Variants in FLG observed in about 807,000 individuals in gnomAD.
FLG encodes the protein filaggrin.
FLG carries 6 observed loss-of-function variants against 3.8 expected under a neutral mutation model. That is an observed-to-expected ratio of 1.60 (90% CI 0.87 to 3.15). The LOEUF is 3.15. FLG is among the 30% of genes most tolerant of loss of function. FLG has a pLI of 0.00. For missense variants in FLG, 7,595 were observed against 5,050.9 expected (o/e 1.50, Z -15.27); for synonymous variants, 2,551 against 1,931.6 (o/e 1.32, Z -8.41).
chr1:152,310,097 C>G lies in FLG; in HGVS notation c.4789G>C (p.Asp1597His), dbSNP rs533784172. 6.2e-7 allele frequency: 1 copy of G among 1,614,050 alleles called. No individual in the cohort carries two copies. The highest frequency in any genetic ancestry group is 2.2e-5 in the East Asian group (1 of 44,842). The change falls in exon 3 of 3, where the codon GAC becomes CAC. Residue 1597 changes from aspartate to histidine, a missense_variant. Asp to His is a moderately conservative substitution (Grantham distance 81). Transcript: ENST00000368799. ...TCTGAGTGTCCCTCACTGTCCCTGTCCTGACTAACACTGGATCCCTGGCGC... is the reference window on the plus strand; with the variant it reads ...TCTGAGTGTCCCTCACTGTCCCTGTGCTGACTAACACTGGATCCCTGGCGC... ...SRRQGSSVSQ[D>H]RDSEGHSEDS...
Position 152,310,986 on chromosome 1 carries a change from C to G in FLG, c.3900G>C (p.Glu1300Asp), listed in dbSNP as rs755303435. ...GGTGTCTGGAGCCATCTCTTGACTG[C>G]TCCCGAGAAGATCCATGATGGTTTC... The part of the protein sequence containing the change: ...ASRNHHGSSR[E>D]QSRDGSRHPG... The change falls in exon 3 of 3, where the codon GAG becomes GAC. Residue 1300 changes from glutamate to aspartate, a missense_variant. By Grantham distance (45) the Glu-to-Asp change is conservative. Transcript: ENST00000368799. 1.2e-5 allele frequency: 19 copies of G among 1,613,968 alleles called. No homozygotes were observed. The highest frequency in any genetic ancestry group is 1.5e-5 in the Non-Finnish European group (18 of 1,179,984).
Position 152,303,885 on chromosome 1 carries a change from A to G in FLG, c.11001T>C (p.Ser3667=), listed in dbSNP as rs140689114. The stretch of plus-strand genomic sequence containing the variant: ...TGTCTGAGTCTTCTGAATGTCCCTC[A>G]CTGTCACTGGCCTGACTACCACTGG... ...RGSSGSQASD[S]EGHSEDSDTQ... Residue 3667 remains serine (S), a synonymous_variant, in exon 3 of 3, where the codon AGT becomes AGC. Transcript: ENST00000368799. The G allele has an allele frequency of 7.5e-5, 121 of 1,612,744 alleles. No homozygotes were observed. The African/African-American group carries it at 1.6e-3, about 21-fold the overall frequency.
chr1:152,303,027 A>G lies in FLG; in HGVS notation c.11859T>C (p.Ser3953=), dbSNP rs1313429862. The part of the protein sequence containing the change: ...GIQSRGSPHS[S]SSYHYQSEGT... ...CCTCAGATTGATAATGATAAGAACT[A>G]GAACTGTGAGGACTGCCACGTGACT... The change falls in exon 3 of 3, where the codon TCT becomes TCC. Residue 3953 remains serine, a synonymous_variant. Transcript: ENST00000368799. 6.2e-7 allele frequency: 1 copy of G among 1,614,194 alleles called. No homozygotes were observed. Among genetic ancestry groups the G allele is most frequent in the Non-Finnish European group, 8.5e-7 (1 of 1,180,034 alleles).
rs141885805 is a variant in FLG, at chr1:152,313,553, G to A, written c.1333C>T (p.Leu445=). The A allele has an allele frequency of 1.1e-4, 184 of 1,613,338 alleles. No individual in the cohort carries two copies. The highest frequency in any genetic ancestry group is 1.3e-4 in the Non-Finnish European group (155 of 1,179,800). Reference sequence around the variant, plus strand: ...GACTCTTGGTGGCTCTGCTGTCTCAGCCCAGCCTTTCCGTGGCCTGACACT... The same window carrying A: ...GACTCTTGGTGGCTCTGCTGTCTCAACCCAGCCTTTCCGTGGCCTGACACT... ...QSVSGHGKAG[L]RQQSHQESTR... is the part of the protein sequence containing the mutation. Residue 445 remains leucine, a synonymous_variant, in exon 3 of 3, where the codon CTG becomes TTG. Coordinates refer to ENST00000368799, the MANE Select transcript of FLG (RefSeq NM_002016.2).
rs138437732 is a variant in FLG, at chr1:152,303,420, G to C, written c.11466C>G (p.Gly3822=). 3 of 1,613,996 alleles carry C rather than the reference G, an allele frequency of 1.9e-6. No individual in the cohort carries two copies. In the African/African-American group the frequency reaches 4.0e-5, roughly 22 times the overall value. The part of the protein sequence containing the change: ...ETRNEEQSGD[G]SRHSGSRHHE... Reference sequence around the variant, plus strand: ...GGTGACGCGACCCTGAGTGCCTGGAGCCGTCTCCTGACTGTTCCTCATTAC... The same window carrying C: ...GGTGACGCGACCCTGAGTGCCTGGACCCGTCTCCTGACTGTTCCTCATTAC... Residue 3822 remains glycine, a synonymous_variant, in exon 3 of 3, where the codon GGC becomes GGG. Transcript: ENST00000368799.
Position 152,306,065 on chromosome 1 carries a change from C to T in FLG, c.8821G>A (p.Gly2941Arg), listed in dbSNP as rs778935622. 2 of 1,596,432 alleles carry T rather than the reference C, an allele frequency of 1.3e-6. No homozygotes were observed. Among genetic ancestry groups the T allele is most frequent in the African/African-American group, 1.7e-5 (1 of 58,574 alleles). ...TGTCTGGAGCTGTCTGCAGAGTGCC[C>T]ATGACCAGCTCTGTCTTCTTGATGG... ...RSHQEDRAGH[G>R]HSADSSRQSG... The change falls in exon 3 of 3, where the codon GGG becomes AGG. Residue 2941 changes from glycine (G) to arginine (R), a missense_variant. By Grantham distance (125) the Gly-to-Arg change is moderately radical. Transcript: ENST00000368799.
At position 152,303,455 on chromosome 1, in the gene FLG, T is replaced by G. The variant is rs777048675; in HGVS notation, c.11431A>C (p.Arg3811=). 3 of 1,614,000 alleles carry G rather than the reference T, an allele frequency of 1.9e-6. No individual in the cohort carries two copies. The highest frequency in any genetic ancestry group is 2.5e-6 in the Non-Finnish European group (3 of 1,180,024). ...GACTGTTCCTCATTACGTGTTTCTC[T>G]GCTTGCACTTCTGGATCCTGACTGC... The part of the protein sequence containing the change: ...HGQSGSRSAS[R]ETRNEEQSGD... The change falls in exon 3 of 3, where the codon AGA becomes CGA. Residue 3811 remains arginine (R), a synonymous_variant. Coordinates refer to ENST00000368799, the MANE Select transcript of FLG (RefSeq NM_002016.2).
Position 152,302,579 on chromosome 1 carries a change from C to A in FLG, c.*121G>T. ...CCACCAAACTAATGAAATACTATAGCATATTTTAAACAGATTGACAGGAAA... is the reference window on the plus strand; with the variant it reads ...CCACCAAACTAATGAAATACTATAGAATATTTTAAACAGATTGACAGGAAA... On this transcript the variant is annotated 3_prime_UTR_variant, in exon 3 of 3. Coordinates refer to ENST00000368799, the MANE Select transcript of FLG (RefSeq NM_002016.2). 1 of 1,261,662 alleles carries A rather than the reference C, an allele frequency of 7.9e-7. No homozygotes were observed. Among genetic ancestry groups the A allele is most frequent in the South Asian group, 1.5e-5 (1 of 68,762 alleles). The allele number at this position is 1,261,662 out of a possible 1,614,324, so 78.2% of individuals were successfully genotyped here.
rs545544603 is a variant in FLG, at chr1:152,324,259, G to A, written c.-22+930C>T. 2.0e-5 allele frequency among the ~76,000 whole-genome samples: 3 copies of A among 151,838 alleles called. No individual in the cohort carries two copies. The South Asian group carries it at 6.2e-4, about 32-fold the overall frequency. On this transcript the variant is annotated intron_variant, in intron 1 of 2. Coordinates refer to ENST00000368799, the MANE Select transcript of FLG (RefSeq NM_002016.2). Reference sequence around the variant, plus strand: ...AAACATAGATTATCTTACTCCTCCTGCTTAATACCCCTTTAAGTACATGCT... The same window carrying A: ...AAACATAGATTATCTTACTCCTCCTACTTAATACCCCTTTAAGTACATGCT...
Position 152,316,026 on chromosome 1 carries a change from A to C in FLG, c.-21-549T>G, listed in dbSNP as rs755039634. On this transcript the variant is annotated intron_variant, in intron 1 of 2. Coordinates refer to ENST00000368799, the MANE Select transcript of FLG (RefSeq NM_002016.2). ...TATAGGATGGATTTAATAGCTCTTC[A>C]ATATTTAAAGAGAAAGGTTTTTCTG... is the stretch of plus-strand genomic sequence containing the variant. 2.6e-5 allele frequency among the ~76,000 whole-genome samples: 4 copies of C among 152,274 alleles called. No individual in the cohort carries two copies. In the East Asian group the frequency reaches 7.7e-4, roughly 29 times the overall value.
Position 152,312,551 on chromosome 1 carries a change from C to T in FLG, c.2335G>A (p.Ala779Thr), listed in dbSNP as rs778322699. The T allele has an allele frequency of 6.6e-5, 106 of 1,613,492 alleles. 1 individual carries two copies. The highest frequency in any genetic ancestry group is 3.3e-4 in the Middle Eastern group (2 of 6,084). ...GHHQQSHQES[A>T]RDRSGERSRR... is the part of the protein sequence containing the mutation. ...GACCTTTCCCCTGACCGGTCACGTG[C>T]GGACTCTTGGTGGCTCTGCTGATGG... The change falls in exon 3 of 3, where the codon GCA (alanine) becomes ACA (threonine). Residue 779 changes from alanine to threonine, a missense_variant. By Grantham distance (58) the Ala-to-Thr change is moderately conservative. Coordinates refer to ENST00000368799, the MANE Select transcript of FLG (RefSeq NM_002016.2).
chr1:152,309,591 G>A lies in FLG; in HGVS notation c.5295C>T (p.Phe1765=), dbSNP rs1652244355. The change falls in exon 3 of 3, where the codon TTC becomes TTT. Residue 1765 remains phenylalanine (F), a synonymous_variant. Coordinates refer to ENST00000368799, the MANE Select transcript of FLG (RefSeq NM_002016.2). ...SGERSGRSGS[F]LYQVSTHEQS... ...GTTCATGAGTGCTCACCTGGTAGAG[G>A]AAAGACCCTGAACGTCCAGACCTTT... 1 of 1,613,774 alleles carries A rather than the reference G, an allele frequency of 6.2e-7. No homozygotes were observed. The highest frequency in any genetic ancestry group is 1.3e-5 in the African/African-American group (1 of 74,812).
Position 152,309,176 on chromosome 1 carries a change from G to T in FLG, c.5710C>A (p.Gln1904Lys), listed in dbSNP as rs535039957. ...SSRHSQVGQG[Q>K]SSGPRTSRNQ... The stretch of plus-strand genomic sequence containing the variant: ...CTGCTTGTCCTGGGCCCTGATGATT[G>T]TCCCTGGCCCACCTGCGAGTGTCTA... The change falls in exon 3 of 3, where the codon CAA becomes AAA. Residue 1904 changes from glutamine (Q) to lysine (K), a missense_variant. By Grantham distance (53) the Gln-to-Lys change is moderately conservative. Transcript: ENST00000368799. 50 of 1,613,656 alleles carry T rather than the reference G, an allele frequency of 3.1e-5. No individual in the cohort carries two copies. Among genetic ancestry groups the T allele is most frequent in the Non-Finnish European group, 4.0e-5 (47 of 1,179,912 alleles).
At position 152,309,688 on chromosome 1, in the gene FLG, G is replaced by C. The variant is rs1310447389; in HGVS notation, c.5198C>G (p.Ser1733Ter). Residue 1733 changes from serine to a stop codon, truncating the protein, a stop_gained, in exon 3 of 3, where the codon TCA (serine) becomes TGA (stop). Transcript: ENST00000368799. LOFTEE classifies it low-confidence loss of function (END_TRUNC). ...CCCAGCCTGTCCGTGGGCTGACACT[G>C]ACTGTGTGTCTGACTCTTCTGAGTG... ...EGHSEESDTQ[S>*]VSAHGQAGPH... is the part of the protein sequence containing the mutation. 3 of 1,613,958 alleles carry C rather than the reference G, an allele frequency of 1.9e-6. No individual in the cohort carries two copies. The highest frequency in any genetic ancestry group is 1.1e-5 in the South Asian group (1 of 91,070).
rs565740303 is a variant in FLG, at chr1:152,308,578, G to A, written c.6308C>T (p.Thr2103Ile). 9.3e-6 allele frequency: 15 copies of A among 1,613,236 alleles called. No homozygotes were observed. The highest frequency in any genetic ancestry group is 3.3e-4 in the Middle Eastern group (2 of 6,060). Reference protein sequence around the residue: ...QVSTHEQSESTHGQSAPSTGG... With the variant: ...QVSTHEQSESIHGQSAPSTGG... Reference sequence around the variant, plus strand: ...AGTGCTGGGCGCAGACTGTCCATGGGTGGACTCAGACTGTTCATGAGTGCT... The same window carrying A: ...AGTGCTGGGCGCAGACTGTCCATGGATGGACTCAGACTGTTCATGAGTGCT... Residue 2103 changes from threonine (T) to isoleucine (I), a missense_variant, in exon 3 of 3, where the codon ACC becomes ATC. Physicochemically the swap from Thr to Ile is moderately conservative, Grantham distance 89. Coordinates refer to ENST00000368799, the MANE Select transcript of FLG (RefSeq NM_002016.2).
Position 152,312,453 on chromosome 1 carries a change from C to A in FLG, c.2433G>T (p.Gly811=). ...ATCCTTGTCTTACTCCAGTGCTGGG[C>A]CCTGTCCATCCATGGGAGGACTCAG... The part of the protein sequence containing the change: ...KQSESSHGWT[G]PSTGVRQGSH... Residue 811 remains glycine (G), a synonymous_variant, in exon 3 of 3, where the codon GGG becomes GGT. Transcript: ENST00000368799. 1 of 1,613,596 alleles carries A rather than the reference C, an allele frequency of 6.2e-7. No individual in the cohort carries two copies. Among genetic ancestry groups the A allele is most frequent in the Non-Finnish European group, 8.5e-7 (1 of 1,179,884 alleles).
chr1:152,311,911 C>T lies in FLG; in HGVS notation c.2975G>A (p.Arg992Lys), dbSNP rs753330086. Residue 992 changes from arginine (R) to lysine (K), a missense_variant, in exon 3 of 3, where the codon AGA becomes AAA. Arg to Lys is a conservative substitution (Grantham distance 26). Coordinates refer to ENST00000368799, the MANE Select transcript of FLG (RefSeq NM_002016.2). Reference protein sequence around the residue: ...SRHPRSHHEDRAGHGHSADSS... With the variant: ...SRHPRSHHEDKAGHGHSADSS... The stretch of plus-strand genomic sequence containing the variant: ...GTCTGCAGAGTGCCCGTGACCGGCT[C>T]TGTCTTCGTGATGGGACCTGGGGTG... 8.1e-6 allele frequency: 13 copies of T among 1,613,974 alleles called. No individual in the cohort carries two copies. Among genetic ancestry groups the T allele is most frequent in the African/African-American group, 1.3e-5 (1 of 74,912 alleles).
In FLG at chr1:152,307,144, T is replaced by C. The variant is rs1557873778; in HGVS notation, c.7742A>G (p.Glu2581Gly). 1.2e-6 allele frequency: 2 copies of C among 1,612,732 alleles called. No individual in the cohort carries two copies. Among genetic ancestry groups the C allele is most frequent in the Admixed American group, 1.7e-5 (1 of 59,924 alleles). Residue 2581 changes from glutamate (E) to glycine (G), a missense_variant, in exon 3 of 3, where the codon GAG (glutamate) becomes GGG (glycine). Physicochemically the swap from Glu to Gly is moderately conservative, Grantham distance 98. Coordinates refer to ENST00000368799, the MANE Select transcript of FLG (RefSeq NM_002016.2). Reference sequence around the variant, plus strand: ...TCTGGAAGCAGACCCAGACCACCTCTCAGAGTCTTCTGAGTGTCCCTGACT... The same window carrying C: ...TCTGGAAGCAGACCCAGACCACCTCCCAGAGTCTTCTGAGTGTCCCTGACT... ...SDSQGHSEDS[E>G]RWSGSASRNH... is the part of the protein sequence containing the mutation.
chr1:152,305,170 T>C lies in FLG; in HGVS notation c.9716A>G (p.His3239Arg), dbSNP rs763076291. 6.2e-7 allele frequency: 1 copy of C among 1,613,798 alleles called. No homozygotes were observed. ...TGACTGCTCCTGAACAGATCCACGA[T>C]GGTTTCTGGAAGCAGACCCAGACCA... Reference protein sequence around the residue: ...ERWSGSASRNHRGSVQEQSRH... With the variant: ...ERWSGSASRNRRGSVQEQSRH... Residue 3239 changes from histidine (H) to arginine (R), a missense_variant, in exon 3 of 3, where the codon CAT becomes CGT. His to Arg is a conservative substitution (Grantham distance 29). Coordinates refer to ENST00000368799, the MANE Select transcript of FLG (RefSeq NM_002016.2).
Sources: allele counts gnomAD v4.1 joint callset (sites outside exome capture counted in the v4.1 genomes callset), GRCh38; gene constraint gnomAD v4.1.1; transcripts MANE v1.5; gene names NCBI Gene and HGNC (gene_info 2026-07-23, HGNC 2026-07-21).